ADCY2: variants seen among roughly 807,000 people sequenced by gnomAD.
ADCY2 encodes the protein adenylate cyclase type 2.
ADCY2 carries 31 observed loss-of-function variants against 125.2 expected under a neutral mutation model. That is an observed-to-expected ratio of 0.25 (90% CI 0.19 to 0.33). The LOEUF (loss-of-function observed/expected upper bound fraction) is 0.33, where lower values mean the gene tolerates loss of function less well. ADCY2 is among the 10% of genes least tolerant of loss of function. The pLI, the probability that ADCY2 is intolerant of heterozygous loss-of-function variation, is 1.00. For synonymous variants in ADCY2, 512 were observed against 548.4 expected, an observed-to-expected ratio of 0.93 and a Z score of 0.93; for missense variants, 904 against 1,418.2, an observed-to-expected ratio of 0.64 and a Z score of 5.82.
Position 7,533,319 on chromosome 5 carries a change from C to T in ADCY2, c.570+12420C>T, listed in dbSNP as rs146289511. On this transcript the variant is annotated intron_variant, in intron 3 of 24. Transcript: ENST00000338316. ...TCAATGTTAATTCCCTCTGTATTTG[C>T]GCTTGATTTTGCCTGGTTAGTTTCT... 9.7e-4 allele frequency among the ~76,000 whole-genome samples: 148 copies of T among 151,832 alleles called. 2 individuals carry two copies. The East Asian group carries it at 0.025, about 25-fold the overall frequency.
chr5:7,518,226 A>G (rs1744319573), intron 2 of ADCY2, among the ~76,000 whole-genome samples: 1 of 152,142 alleles, frequency 6.6e-6, no homozygotes, highest in African/African-American at 2.4e-5. Context: ...TGCTGGTGGT[A>G]GCTCTTAGTG....
chr5:7,471,143 C>A (rs1173020889), intron 2 of ADCY2, among the ~76,000 whole-genome samples: 2 of 151,672 alleles, frequency 1.3e-5, no homozygotes, highest in Admixed American at 1.3e-4. Flanking sequence ...CCTATCAATG[C>A]CTTTATATTT....
intron 2 of ADCY2, among the ~76,000 whole-genome samples, chr5:7,500,101 C>T (rs905677902): frequency 1.3e-5 from 2 of 152,152 alleles, no homozygotes; most frequent in African/African-American, 4.8e-5. Context: ...CTTACTTGCA[C>T]TATAAGAGGC....
At chr5:7,498,332 T>C (rs1743420779) in intron 2 of ADCY2, among the ~76,000 whole-genome samples, 1 of 130,878 alleles carries the variant, frequency 7.6e-6, no homozygotes, top group Admixed American at 8.9e-5. Flanking sequence ...CACTGCAAAC[T>C]CCACCTCCCA....
At chr5:7,580,287 T>C (rs1370861473) in intron 3 of ADCY2, among the ~76,000 whole-genome samples, 1 of 152,118 alleles carries the variant, frequency 6.6e-6, no homozygotes, top group East Asian at 1.9e-4. Flanking sequence ...AAAAAAGAAA[T>C]TATAATCACT....
chr5:7,411,165 T>C (rs1023718979), intron 1 of ADCY2, among the ~76,000 whole-genome samples: 4 of 152,150 alleles, frequency 2.6e-5, no homozygotes, highest in Non-Finnish European at 5.9e-5. Flanking sequence ...CAGAACAAAT[T>C]GGTGGCTGTT....
At chr5:7,567,718 T>C (rs1298390714) in intron 3 of ADCY2, among the ~76,000 whole-genome samples, 2 of 152,338 alleles carry the variant, frequency 1.3e-5, no homozygotes, top group African/African-American at 4.8e-5. Flanking sequence ...TTGGTTTTCT[T>C]GGGCTTCACT....
chr5:7,638,870 G>A (rs1738596784), intron 4 of ADCY2, among the ~76,000 whole-genome samples: 1 of 152,162 alleles, frequency 6.6e-6, no homozygotes, highest in Non-Finnish European at 1.5e-5. Flanking sequence ...ATGTGTCATG[G>A]GAGTGTCTAG....
intron 2 of ADCY2, among the ~76,000 whole-genome samples, chr5:7,492,311 C>T (rs750647877): frequency 4.6e-5 from 7 of 152,188 alleles, no homozygotes; most frequent in African/African-American, 4.8e-5. Context: ...TGTAGTGTCA[C>T]ACCACAGGAT....
intron 16 of ADCY2, among the ~76,000 whole-genome samples, chr5:7,765,155 A>T (rs1373753350): frequency 6.6e-6 from 1 of 152,142 alleles, no homozygotes; most frequent in Non-Finnish European, 1.5e-5. Context: ...CATTTTACCT[A>T]GTTTTTTGCC....
At chr5:7,767,435 C>G (rs992640641) in intron 17 of ADCY2, among the ~76,000 whole-genome samples, 3 of 152,080 alleles carry the variant, frequency 2.0e-5, no homozygotes, top group Non-Finnish European at 4.4e-5. Flanking sequence ...TTTTGCTACT[C>G]TCCTTTGCAC....
chr5:7,513,088 C>CACAG lies in ADCY2; in HGVS notation c.409-7647_409-7646insGACA, dbSNP rs1226796124. On this transcript the variant is annotated intron_variant, in intron 2 of 24. Transcript: ENST00000338316. ...ATGTGGAAAATACATGACACACACA[C>CACAG]ACACACACACACACACACAGAGAGA... Among the ~76,000 whole-genome samples, 297 of 139,546 alleles carry CACAG rather than the reference C, an allele frequency of 2.1e-3. 1 individual carries two copies. Among genetic ancestry groups the CACAG allele is most frequent in the Admixed American group, 3.3e-3 (45 of 13,778 alleles). 91.5% of individuals were successfully genotyped at this position (139,546 alleles called of 152,430 possible). A position where few individuals can be genotyped will look rare whatever the true frequency, so the allele number is the denominator to read the frequency against.
At chr5:7,511,807 A>G (rs1050293663) in intron 2 of ADCY2, among the ~76,000 whole-genome samples, 1 of 151,930 alleles carries the variant, frequency 6.6e-6, no homozygotes, top group Non-Finnish European at 1.5e-5. Flanking sequence ...TAGAGGGAGT[A>G]TGAACATGGC....
intron 1 of ADCY2, among the ~76,000 whole-genome samples, chr5:7,407,363 G>T (rs1739534690): frequency 6.6e-6 from 1 of 152,156 alleles, no homozygotes. Flanking sequence ...CAAGGAAAGA[G>T]ATTTAACTGA....
rs370214879 is a variant in ADCY2, at chr5:7,774,771, C to T, written c.2384+1670C>T. On this transcript the variant is annotated intron_variant, in intron 18 of 24. Coordinates refer to ENST00000338316, the MANE Select transcript of ADCY2 (RefSeq NM_020546.3). ...GGGAGACTGACTTGAGAAGCCTCGG[C>T]GACTTGCCTTCACTTCCATCAGTAA... 3.3e-5 allele frequency among the ~76,000 whole-genome samples: 5 copies of T among 152,286 alleles called. No individual in the cohort carries two copies. In the East Asian group the frequency reaches 9.6e-4, roughly 29 times the overall value.
chr5:7,761,148 CTTTTT>C (rs367998018), intron 16 of ADCY2, among the ~76,000 whole-genome samples: 1 of 88,162 alleles, frequency 1.1e-5, no homozygotes, highest in African/African-American at 4.6e-5. Context: ...CTTTTCTTTT[CTTTTT>C]TTTTTTTTTT....
intron 3 of ADCY2, among the ~76,000 whole-genome samples, chr5:7,546,763 C>T (rs536086860): frequency 5.9e-5 from 9 of 152,302 alleles, no homozygotes; most frequent in African/African-American, 1.4e-4. Context: ...TTCTCCAGCT[C>T]GCCTCTCTTT....
intron 2 of ADCY2, among the ~76,000 whole-genome samples, chr5:7,450,428 T>C (rs867852593): frequency 6.6e-6 from 1 of 152,176 alleles, no homozygotes; most frequent in Non-Finnish European, 1.5e-5. Context: ...CTCTCTTCAA[T>C]TCTATGAAGG....
At chr5:7,537,645 C>G (rs1203707816) in intron 3 of ADCY2, among the ~76,000 whole-genome samples, 1 of 152,234 alleles carries the variant, frequency 6.6e-6, no homozygotes, top group Non-Finnish European at 1.5e-5. Flanking sequence ...CCCCCAGCCT[C>G]ATCCTTTGCT....
Sources: allele counts gnomAD v4.1 joint callset (sites outside exome capture counted in the v4.1 genomes callset), GRCh38; gene constraint gnomAD v4.1.1; transcripts MANE v1.5; gene names NCBI Gene and HGNC (gene_info 2026-07-23, HGNC 2026-07-21).